The following PKHD1 variants were observed in gnomAD, a reference collection of about 807,000 sequenced individuals.
The protein encoded by PKHD1 is PKHD1 ciliary IPT domain containing fibrocystin/polyductin, also known as fibrocystin.
In PKHD1, 291 loss-of-function variants were observed where a neutral mutation model predicts 412.0. That is an observed-to-expected ratio of 0.71 (90% CI 0.64 to 0.78). The LOEUF is 0.78. PKHD1 is among the 30% of genes least tolerant of loss of function. The pLI is 0.00. For missense variants in PKHD1, 4,825 were observed against 4,950.7 expected (o/e 0.97, Z 0.76); for synonymous variants, 1,777 against 1,821.5 (o/e 0.98, Z 0.62).
chr6:51,912,794 A>G (rs1459306810), intron 37 of PKHD1, among the ~76,000 whole-genome samples: 1 of 152,066 alleles, frequency 6.6e-6, no homozygotes, highest in African/African-American at 2.4e-5. Flanking sequence ...AAAAGAAGTC[A>G]ATAAAAGTAA....
At chr6:51,912,011 G>A (rs1420223688) in intron 38 of PKHD1, 55 bp from the exon 39 acceptor site, 9 of 1,335,930 alleles carry the variant, frequency 6.7e-6, no homozygotes, top group Non-Finnish European at 9.6e-6. Context: ...ATCTTACTAG[G>A]AATAATAAGC....
rs539546758 is a variant in PKHD1, at chr6:51,941,236, C to CTTTT, written c.5909-6918_5909-6915dup. ...TATCACTCACCTGTTACAGCATGGCCTTTTTTTTTTTTTTTTTTTTTTTTT... is the reference window on the plus strand; with the variant it reads ...TATCACTCACCTGTTACAGCATGGCCTTTTTTTTTTTTTTTTTTTTTTTTTTTTT... On this transcript the variant is annotated intron_variant, in intron 36 of 66. Coordinates refer to ENST00000371117, the MANE Select transcript of PKHD1 (RefSeq NM_138694.4). 1.5e-3 allele frequency among the ~76,000 whole-genome samples: 93 copies of CTTTT among 63,076 alleles called. 4 individuals are homozygous for CTTTT. The highest frequency in any genetic ancestry group is 4.1e-3 in the African/African-American group (64 of 15,442). The allele number at this position is 63,076 out of a possible 152,430, so 41.4% of individuals were successfully genotyped here.
At chr6:51,948,871 C>T (rs563635357) in intron 36 of PKHD1, among the ~76,000 whole-genome samples, 3 of 152,206 alleles carry the variant, frequency 2.0e-5, no homozygotes, top group South Asian at 2.1e-4. Context: ...ATAGGCTCAA[C>T]GAAGAGCCTT....
At chr6:52,067,171 A>G (rs556443587) in intron 11 of PKHD1, among the ~76,000 whole-genome samples, 4 of 152,338 alleles carry the variant, frequency 2.6e-5, no homozygotes, top group African/African-American at 9.6e-5. Flanking sequence ...GAGGAGACAT[A>G]TGGAGGCAAA....
At chr6:51,710,616 G>A (rs572141112) in intron 60 of PKHD1, among the ~76,000 whole-genome samples, 9 of 151,840 alleles carry the variant, frequency 5.9e-5, no homozygotes, top group East Asian at 5.8e-4. Context: ...CTGGGACCCA[G>A]GCCAAACTCA....
At position 51,929,595 on chromosome 6, in the gene PKHD1, T is replaced by C. The variant is rs569976014; in HGVS notation, c.6121+4515A>G. 3.3e-5 allele frequency among the ~76,000 whole-genome samples: 5 copies of C among 152,270 alleles called. No individual in the cohort carries two copies. The East Asian group carries it at 7.7e-4, about 24-fold the overall frequency. Reference sequence around the variant, plus strand: ...TGCCTGTTCCACACACTTTATACCATGCTTAAAGACAGCCTGATACTCTAG... The same window carrying C: ...TGCCTGTTCCACACACTTTATACCACGCTTAAAGACAGCCTGATACTCTAG... On this transcript the variant is annotated intron_variant, in intron 37 of 66. Transcript: ENST00000371117.
intron 47 of PKHD1, among the ~76,000 whole-genome samples, chr6:51,868,909 T>C (rs1384822627): frequency 6.6e-6 from 1 of 152,094 alleles, no homozygotes; most frequent in East Asian, 1.9e-4. Flanking sequence ...ATGGCAGTGA[T>C]CTTCTAATTC....
intron 60 of PKHD1, among the ~76,000 whole-genome samples, chr6:51,735,607 C>T (rs1201642359): frequency 2.0e-5 from 3 of 152,170 alleles, no homozygotes; most frequent in Non-Finnish European, 4.4e-5. Flanking sequence ...ATAGAGGGTA[C>T]TGGGTAGTAT....
intron 37 of PKHD1, among the ~76,000 whole-genome samples, chr6:51,924,735 T>C (rs1785249517): frequency 1.3e-5 from 2 of 152,172 alleles, no homozygotes; most frequent in Non-Finnish European, 2.9e-5. Flanking sequence ...AGAGGAATGA[T>C]AAAGGAGGTA....
In PKHD1 at chr6:51,856,189, G is replaced by T. The variant is rs998725659; in HGVS notation, c.7734-119C>A. 6.7e-6 allele frequency: 5 copies of T among 750,194 alleles called. No individual in the cohort carries two copies. In the Middle Eastern group the frequency reaches 1.4e-3, roughly 214 times the overall value. 46.5% of individuals were successfully genotyped at this position (750,194 alleles called of 1,614,324 possible). A position where few individuals can be genotyped will look rare whatever the true frequency, so the allele number is the denominator to read the frequency against. ...TTCCATTCTCTCCACATATGTCTTAGGCCCTCTTTAGTTGTATGTCTAGGG... is the reference window on the plus strand; with the variant it reads ...TTCCATTCTCTCCACATATGTCTTATGCCCTCTTTAGTTGTATGTCTAGGG... On this transcript the variant is annotated intron_variant, in intron 48 of 66. Transcript: ENST00000371117.
chr6:51,679,224 G>T (rs1318349542), intron 60 of PKHD1, among the ~76,000 whole-genome samples: 2 of 151,914 alleles, frequency 1.3e-5, no homozygotes, highest in Non-Finnish European at 2.9e-5. Context: ...GCTGCTTATG[G>T]GCCTCAGGCT....
At chr6:51,883,766 A>G (rs1173052314) in intron 45 of PKHD1, among the ~76,000 whole-genome samples, 1 of 152,174 alleles carries the variant, frequency 6.6e-6, no homozygotes, top group East Asian at 1.9e-4. Flanking sequence ...ACTACTTGCT[A>G]TGGTTTAAGC....
At chr6:51,678,303 TAA>T (rs1300582049) in intron 60 of PKHD1, among the ~76,000 whole-genome samples, 1 of 152,304 alleles carries the variant, frequency 6.6e-6, no homozygotes, top group African/African-American at 2.4e-5. Context: ...TGGAGAGGGC[TAA>T]GTTAGATGAC....
intron 65 of PKHD1, among the ~76,000 whole-genome samples, chr6:51,631,900 G>C (rs1767961465): frequency 1.3e-5 from 2 of 150,530 alleles, no homozygotes; most frequent in South Asian, 4.2e-4. Flanking sequence ...TAAAGGAGAA[G>C]AGGAGAGGAT....
chr6:51,960,827 G>T (rs751487528), intron 35 of PKHD1, among the ~76,000 whole-genome samples: 3 of 152,162 alleles, frequency 2.0e-5, no homozygotes, highest in Non-Finnish European at 4.4e-5. Flanking sequence ...AGAACTTTTG[G>T]CTTTCCTGTT....
chr6:52,057,554 T>C lies in PKHD1; in HGVS notation c.1513-575A>G, dbSNP rs1582006075. On this transcript the variant is annotated intron_variant, in intron 16 of 66. Coordinates refer to ENST00000371117, the MANE Select transcript of PKHD1 (RefSeq NM_138694.4). ...GCCTCAGCCTCCCAAGTAGCTGTGATTACAGGCACATGCCACCATGCCCAG... is the reference window on the plus strand; with the variant it reads ...GCCTCAGCCTCCCAAGTAGCTGTGACTACAGGCACATGCCACCATGCCCAG... 3.9e-5 allele frequency among the ~76,000 whole-genome samples: 6 copies of C among 152,256 alleles called. No homozygotes were observed. In the South Asian group the frequency reaches 1.2e-3, roughly 32 times the overall value.
At chr6:51,901,259 T>C (rs1313809674) in intron 43 of PKHD1, among the ~76,000 whole-genome samples, 4 of 152,152 alleles carry the variant, frequency 2.6e-5, no homozygotes, top group Non-Finnish European at 5.9e-5. Flanking sequence ...AGCAAAGACT[T>C]GGAACCAACC....
rs540654329 is a variant in PKHD1 at position 52,021,440 on chromosome 6, A to T, written c.5380+1361T>A. On this transcript the variant is annotated intron_variant, in intron 33 of 66. Coordinates refer to ENST00000371117, the MANE Select transcript of PKHD1 (RefSeq NM_138694.4). ...GCAGTGTATATATGAAAGCTTTTTT[A>T]AAAAATGTAGCAGTATTAGTTAAAA... Among the ~76,000 whole-genome samples the T allele has an allele frequency of 4.6e-5, 7 of 152,270 alleles. No homozygotes were observed. The East Asian group carries it at 5.8e-4, about 13-fold the overall frequency.
chr6:51,784,652 C>T (rs1792573635), intron 53 of PKHD1, among the ~76,000 whole-genome samples: 1 of 152,148 alleles, frequency 6.6e-6, no homozygotes, highest in African/African-American at 2.4e-5. Flanking sequence ...ATTTAGAAAG[C>T]AACACTGTAT....
Sources: allele counts gnomAD v4.1 joint callset (sites outside exome capture counted in the v4.1 genomes callset), GRCh38; gene constraint gnomAD v4.1.1; transcripts MANE v1.5; gene names NCBI Gene and HGNC (gene_info 2026-07-23, HGNC 2026-07-21).